MYOM1: variants seen among roughly 807,000 people sequenced by gnomAD.
MYOM1 encodes the protein myomesin 1, also known as myomesin-1.
A neutral mutation model predicts 205.3 loss-of-function variants in MYOM1; 164 were observed. That is an observed-to-expected ratio of 0.80 (90% confidence interval 0.70 to 0.91). The LOEUF is 0.91. Among genes scored for constraint, MYOM1 ranks in the 40% least tolerant of loss-of-function variants. The pLI is 0.00. For missense variants in MYOM1, 2,011 were observed against 2,127.3 expected (o/e 0.95, Z 1.08); for synonymous variants, 772 against 789.4 (o/e 0.98, Z 0.37).
rs757375895 is a variant in MYOM1, at chr18:3,134,709, C to T, written c.2325G>A (p.Ala775=). 9 of 1,613,896 alleles carry T rather than the reference C, an allele frequency of 5.6e-6. No individual in the cohort carries two copies. Among genetic ancestry groups the T allele is most frequent in the Middle Eastern group, 1.6e-4 (1 of 6,062 alleles). The change falls in exon 16 of 38, where the codon GCG becomes GCA. Residue 775 remains alanine (A), a synonymous_variant. Transcript: ENST00000356443. ...AKELVGYYIE[A]SVAGSGKWEP... is the part of the protein sequence containing the mutation. ...CCCACTTGCCAGAGCCAGCAACGCTCGCCTCTATGTAGTACCCGACCAGCT... is the reference window on the plus strand; with the variant it reads ...CCCACTTGCCAGAGCCAGCAACGCTTGCCTCTATGTAGTACCCGACCAGCT...
rs113420567 is a variant in MYOM1 at position 3,134,499 on chromosome 18, C to G, written c.2384+151G>C. The G allele has an allele frequency of 8.8e-3, 7,031 of 802,316 alleles. 344 individuals are homozygous for G. In the African/African-American group the frequency reaches 0.11, roughly 12 times the overall value. 49.7% of individuals were successfully genotyped at this position (802,316 alleles called of 1,614,324 possible). A position where few individuals can be genotyped will look rare whatever the true frequency, so the allele number is the denominator to read the frequency against. ...CAAGCAATCTTCCCACCTCAGCCTC[C>G]GAAAGTGCTAGGATTACAGGTGTAA... On this transcript the variant is annotated intron_variant, in intron 16 of 37. Transcript: ENST00000356443.
rs1238094129 is a variant in MYOM1, at chr18:3,168,964, C to T, written c.1192G>A (p.Gly398Ser). 5 of 1,612,404 alleles carry T rather than the reference C, an allele frequency of 3.1e-6. No individual in the cohort carries two copies. The Admixed American group carries it at 5.0e-5, about 16-fold the overall frequency. ...MPLSFGVTPY[G>S]YASRFEIHFD... ...TGGATCTCAAACCGGGATGCATAAC[C>T]ATATGGGGTCACACCAACTGGGTAC... Residue 398 changes from glycine (G) to serine (S), a missense_variant, in exon 9 of 38, where the codon GGT (glycine) becomes AGT (serine). Transcript: ENST00000356443.
intron 2 of MYOM1, among the ~76,000 whole-genome samples, chr18:3,206,413 T>A (rs1250979095): frequency 6.6e-6 from 1 of 152,230 alleles, no homozygotes; most frequent in Non-Finnish European, 1.5e-5. Flanking sequence ...TTCTGGGCTG[T>A]CTTTGCTCCA....
At chr18:3,131,233 T>C in intron 17 of MYOM1, 142 bp downstream of exon 17, 1 of 906,836 alleles carries the variant, frequency 1.1e-6, no homozygotes, top group Non-Finnish European at 1.6e-6. Context: ...AGACATCACC[T>C]AGAGTCAGAG....
intron 18 of MYOM1, among the ~76,000 whole-genome samples, chr18:3,128,598 T>C (rs2079828940): frequency 6.6e-6 from 1 of 152,208 alleles, no homozygotes; most frequent in Non-Finnish European, 1.5e-5. Flanking sequence ...GATATATTTA[T>C]AGCTGTTTTT....
chr18:3,175,734 T>A (rs879761025), intron 6 of MYOM1, among the ~76,000 whole-genome samples: 29 of 152,322 alleles, frequency 1.9e-4, no homozygotes, highest in Admixed American at 5.2e-4. Flanking sequence ...AACATATTTT[T>A]CTTACTTACA....
At chr18:3,177,871 C>A (rs2080670471) in intron 5 of MYOM1, among the ~76,000 whole-genome samples, 1 of 152,166 alleles carries the variant, frequency 6.6e-6, no homozygotes, top group Admixed American at 6.5e-5. Flanking sequence ...TAATATAAAT[C>A]ATGAAAGGAA....
chr18:3,101,083 G>T (rs906673389), intron 23 of MYOM1, among the ~76,000 whole-genome samples: 1 of 152,168 alleles, frequency 6.6e-6, no homozygotes, highest in Non-Finnish European at 1.5e-5. Context: ...TGTATAAACT[G>T]GGAGAAAAAA....
At chr18:3,102,944 G>A (rs1228561783) in intron 22 of MYOM1, among the ~76,000 whole-genome samples, 1 of 152,144 alleles carries the variant, frequency 6.6e-6, no homozygotes, top group African/African-American at 2.4e-5. Context: ...TTTGGGAAAA[G>A]GGAAAGTCAA....
At chr18:3,227,681 T>G in the MYOM1 span, among the ~76,000 whole-genome samples, 1 of 152,074 alleles carries the variant, frequency 6.6e-6, no homozygotes, top group African/African-American at 2.4e-5. Context: ...TAGCTGGGTA[T>G]GGTGGCAGGC....
intron 29 of MYOM1, among the ~76,000 whole-genome samples, chr18:3,088,821 C>A (rs771908358): frequency 6.6e-6 from 1 of 152,126 alleles, no homozygotes; most frequent in Non-Finnish European, 1.5e-5. Context: ...GCAAGGTCCA[C>A]GAAACATTGC....
upstream of MYOM1, among the ~76,000 whole-genome samples, chr18:3,220,723 C>G (rs1398857765): frequency 6.6e-6 from 1 of 152,136 alleles, no homozygotes; most frequent in Non-Finnish European, 1.5e-5. Flanking sequence ...GCCATGTAAT[C>G]TCCAGCAATT....
chr18:3,130,439 T>C (rs1395339798), intron 17 of MYOM1, among the ~76,000 whole-genome samples: 2 of 152,204 alleles, frequency 1.3e-5, no homozygotes, highest in Non-Finnish European at 2.9e-5. Context: ...TACTATATAA[T>C]AAATTTTATT....
At chr18:3,193,144 C>T (rs1027217273) in intron 3 of MYOM1, among the ~76,000 whole-genome samples, 2 of 151,702 alleles carry the variant, frequency 1.3e-5, no homozygotes, top group African/African-American at 2.4e-5. Context: ...TGTGGTGGCT[C>T]GTGCCTGTGG....
intron 20 of MYOM1, among the ~76,000 whole-genome samples, chr18:3,119,226 G>A (rs1316347342): frequency 6.6e-6 from 1 of 152,132 alleles, no homozygotes; most frequent in South Asian, 2.1e-4. Context: ...AATTTCTTTT[G>A]GCTCAGAGTT....
rs1392888713 is a variant in MYOM1, at chr18:3,219,444, A to T, written c.-29+359T>A. ...CATTGTATGGCACATGCAGGATTGA[A>T]AATGCAGGGCCTCCTGTCTCTCATC... is the stretch of plus-strand genomic sequence containing the variant. On this transcript the variant is annotated intron_variant, in intron 1 of 37. Coordinates refer to ENST00000356443, the MANE Select transcript of MYOM1 (RefSeq NM_003803.4). This position sits in a 1 kb window ranked among gnomAD's most constrained non-coding sequence, Gnocchi z 4.4. 6.6e-6 allele frequency among the ~76,000 whole-genome samples: 1 copy of T among 152,206 alleles called. No homozygotes were observed. The highest frequency in any genetic ancestry group is 1.5e-5 in the Non-Finnish European group (1 of 68,032).
intron 9 of MYOM1, among the ~76,000 whole-genome samples, chr18:3,166,272 T>TA (rs1475273726): frequency 7.0e-6 from 1 of 142,024 alleles, no homozygotes; most frequent in Non-Finnish European, 1.6e-5. Context: ...TCTTTTTTTT[T>TA]TTTTTTTTTT....
At position 3,112,043 on chromosome 18, in the gene MYOM1, C is replaced by T. The variant is rs773434472; in HGVS notation, c.3418+255G>A. ...GGAACAGTTGGTCCGGGAAGCTTAA[C>T]TTGATCAAGAACTTCCGGGTTTTTA... On this transcript the variant is annotated intron_variant, in intron 22 of 37. Transcript: ENST00000356443. Among the ~76,000 whole-genome samples the T allele has an allele frequency of 7.2e-5, 11 of 152,180 alleles. 1 individual carries two copies. The highest frequency in any genetic ancestry group is 1.0e-4 in the Non-Finnish European group (7 of 68,048).
chr18:3,084,244 G>C (rs117612190), intron 31 of MYOM1, among the ~76,000 whole-genome samples: 1 of 151,954 alleles, frequency 6.6e-6, no homozygotes, highest in Non-Finnish European at 1.5e-5. Flanking sequence ...TTTTTCCCTT[G>C]AATTCTTTGT....
Sources: allele counts gnomAD v4.1 joint callset (sites outside exome capture counted in the v4.1 genomes callset), GRCh38; gene constraint gnomAD v4.1.1; non-coding constraint Gnocchi (gnomAD v3.1); transcripts MANE v1.5; gene names NCBI Gene and HGNC (gene_info 2026-07-23, HGNC 2026-07-21).